PDE4B: variants seen among roughly 807,000 people sequenced by gnomAD.
The protein encoded by PDE4B is 3',5'-cyclic-AMP phosphodiesterase 4B.
PDE4B carries 20 observed loss-of-function variants against 82.2 expected under a neutral mutation model. The ratio of observed to expected loss-of-function variants is 0.24; its 90% CI spans 0.17 to 0.35. The LOEUF is 0.35. Among genes scored for constraint, PDE4B ranks in the 10% least tolerant of loss-of-function variants. PDE4B has a pLI of 1.00. For synonymous variants in PDE4B, 320 were observed against 318.9 expected (o/e 1.00, Z -0.04); for missense variants, 655 against 907.2 (o/e 0.72, Z 3.57).
chr1:66,215,069 GT>G, intron 3 of PDE4B, among the ~76,000 whole-genome samples: 1 of 152,040 alleles, frequency 6.6e-6, no homozygotes, highest in African/African-American at 2.4e-5. Flanking sequence ...GTGAGGGAAA[GT>G]TTAGTATGAG....
At chr1:66,045,651 A>G (rs886214083) in intron 3 of PDE4B, among the ~76,000 whole-genome samples, 1 of 151,744 alleles carries the variant, frequency 6.6e-6, no homozygotes, top group African/African-American at 2.4e-5. Flanking sequence ...ATCCCCCAAG[A>G]TGCCCATGTT....
At chr1:66,293,189 C>G (rs1557683320) in intron 7 of PDE4B, among the ~76,000 whole-genome samples, 2 of 152,124 alleles carry the variant, frequency 1.3e-5, no homozygotes, top group South Asian at 2.1e-4. Flanking sequence ...CTGGGGCACT[C>G]TAAACAAAGC....
At chr1:66,144,954 C>T (rs1045384786) in intron 3 of PDE4B, among the ~76,000 whole-genome samples, 2 of 152,136 alleles carry the variant, frequency 1.3e-5, no homozygotes, top group African/African-American at 4.8e-5. Flanking sequence ...TTTTAAAAAC[C>T]ACTGCATCCC....
chr1:66,257,289 G>A (rs902586430), intron 4 of PDE4B: 9 of 381,332 alleles, frequency 2.4e-5, no homozygotes, highest in African/African-American at 1.7e-4. Context: ...GTCCCTGTGA[G>A]CAGCCCTCCC....
chr1:66,292,034 G>C (rs1388772304), intron 7 of PDE4B, among the ~76,000 whole-genome samples: 1 of 152,146 alleles, frequency 6.6e-6, no homozygotes, highest in East Asian at 1.9e-4. Flanking sequence ...GATTGAACAT[G>C]AGATGTTAAT....
chr1:65,926,169 C>G (rs1475269905), intron 3 of PDE4B, among the ~76,000 whole-genome samples: 1 of 152,180 alleles, frequency 6.6e-6, no homozygotes, highest in African/African-American at 2.4e-5. Flanking sequence ...AGGGCAAAAG[C>G]AACTTTGACG....
chr1:65,941,861 A>C (rs1648463990), intron 3 of PDE4B, among the ~76,000 whole-genome samples: 2 of 151,874 alleles, frequency 1.3e-5, no homozygotes, highest in Non-Finnish European at 2.9e-5. Flanking sequence ...TCCTAGGTGA[A>C]GTTTTGTATT....
At chr1:66,044,274 A>G (rs946497804) in intron 3 of PDE4B, among the ~76,000 whole-genome samples, 3 of 151,756 alleles carry the variant, frequency 2.0e-5, no homozygotes, top group Non-Finnish European at 4.4e-5. Context: ...ATATGAATTT[A>G]CAAATGCCAA....
rs375892080 is a variant in PDE4B, at chr1:66,162,078, T to C, written c.282-85382T>C. On this transcript the variant is annotated intron_variant, in intron 3 of 16. Transcript: ENST00000341517. Reference sequence around the variant, plus strand: ...GGTGCTAGTTTTAATTCAAGTGCTCTTGATTGCAGAAAAAAAAAAGTCACC... The same window carrying C: ...GGTGCTAGTTTTAATTCAAGTGCTCCTGATTGCAGAAAAAAAAAAGTCACC... Among the ~76,000 whole-genome samples the C allele has an allele frequency of 5.9e-4, 90 of 152,122 alleles. No individual in the cohort carries two copies. In the South Asian group the frequency reaches 0.014, roughly 23 times the overall value.
intron 7 of PDE4B, among the ~76,000 whole-genome samples, chr1:66,286,010 A>G (rs1372092059): frequency 6.6e-6 from 1 of 152,196 alleles, no homozygotes. Flanking sequence ...ACACTTTCCC[A>G]TCATAAACTT....
At chr1:66,001,625 G>A (rs75821013) in intron 3 of PDE4B, among the ~76,000 whole-genome samples, 2,654 of 152,158 alleles carry the variant, frequency 0.017, 76 homozygotes, top group African/African-American at 0.061. Context: ...ATTCATGTAT[G>A]GTTTTCTGGG....
intron 3 of PDE4B, among the ~76,000 whole-genome samples, chr1:66,048,388 G>A (rs924572577): frequency 5.9e-5 from 9 of 151,822 alleles, no homozygotes; most frequent in East Asian, 5.8e-4. Context: ...AGGCTCCCAC[G>A]ATCATATCCT....
intron 3 of PDE4B, among the ~76,000 whole-genome samples, chr1:66,079,033 T>G (rs1434182417): frequency 6.6e-6 from 1 of 152,062 alleles, no homozygotes; most frequent in Non-Finnish European, 1.5e-5. Flanking sequence ...ATGGGATGGA[T>G]TTTGCCACCA....
intron 1 of PDE4B, among the ~76,000 whole-genome samples, chr1:65,794,935 CAT>C (rs1303038924): frequency 6.6e-6 from 1 of 152,132 alleles, no homozygotes; most frequent in Non-Finnish European, 1.5e-5. Context: ...TATGGCTTGA[CAT>C]ATTTTGCAAA....
chr1:66,091,513 C>A (rs565798473), intron 3 of PDE4B, among the ~76,000 whole-genome samples: 1 of 152,110 alleles, frequency 6.6e-6, no homozygotes, highest in Admixed American at 6.6e-5. Context: ...TATTTGATTT[C>A]TTTCATTGTT....
chr1:66,354,567 T>A (rs375076979), intron 8 of PDE4B: 1 of 1,247,564 alleles, frequency 8.0e-7, no homozygotes, highest in African/African-American at 1.5e-5. Flanking sequence ...CTGAATACAT[T>A]TGGACAGGCT....
chr1:66,031,094 A>G (rs1163006118), intron 3 of PDE4B, among the ~76,000 whole-genome samples: 4 of 152,218 alleles, frequency 2.6e-5, no homozygotes, highest in African/African-American at 9.6e-5. Flanking sequence ...ACCTGCATGT[A>G]TATCCTTTAA....
chr1:65,932,138 G>A (rs1275337933), intron 3 of PDE4B, among the ~76,000 whole-genome samples: 3 of 151,704 alleles, frequency 2.0e-5, no homozygotes, highest in Non-Finnish European at 2.9e-5. Flanking sequence ...ATGGGACCTG[G>A]CATACTCTAG....
intron 1 of PDE4B, among the ~76,000 whole-genome samples, chr1:65,887,699 T>C (rs1646807187): frequency 6.6e-6 from 1 of 152,004 alleles, no homozygotes; most frequent in Non-Finnish European, 1.5e-5. Flanking sequence ...ATTACAGGCA[T>C]GAGCCACCAT....
Sources: allele counts gnomAD v4.1 joint callset (sites outside exome capture counted in the v4.1 genomes callset), GRCh38; gene constraint gnomAD v4.1.1; transcripts MANE v1.5; gene names NCBI Gene and HGNC (gene_info 2026-07-23, HGNC 2026-07-21).